BMPER: variants seen among roughly 807,000 people sequenced by gnomAD.
The protein encoded by BMPER is BMP-binding endothelial regulator protein.
Under a neutral mutation model 87.3 loss-of-function variants are expected in BMPER, and 45 were observed. That is an observed-to-expected ratio of 0.52 (90% confidence interval 0.41 to 0.66). The LOEUF (loss-of-function observed/expected upper bound fraction) is 0.66, where lower values mean the gene tolerates loss of function less well. Ranked by LOEUF, BMPER falls within the 30% of genes least tolerant of loss-of-function variation. The pLI is 0.00. For synonymous variants in BMPER, 326 were observed against 316.2 expected (o/e 1.03, Z -0.33); for missense variants, 784 against 867.5 (o/e 0.90, Z 1.21).
intron 2 of BMPER, among the ~76,000 whole-genome samples, chr7:33,930,905 G>C (rs755967374): frequency 2.0e-5 from 3 of 152,230 alleles, no homozygotes; most frequent in Non-Finnish European, 2.9e-5. Flanking sequence ...AGCCATGGTT[G>C]TGCCTCTGCA....
intron 3 of BMPER, among the ~76,000 whole-genome samples, chr7:33,961,800 A>C (rs1785279215): frequency 6.6e-6 from 1 of 152,182 alleles, no homozygotes; most frequent in Admixed American, 6.5e-5. Context: ...ACATGCATTC[A>C]GAAGCTTGTG....
chr7:34,129,603 AG>A (rs1562761976), intron 13 of BMPER, among the ~76,000 whole-genome samples: 1,171 of 114,612 alleles, frequency 0.01, 12 homozygotes, highest in African/African-American at 0.02. Flanking sequence ...AGAGAGAGAG[AG>A]AGAGAAAGAG....
intron 6 of BMPER, among the ~76,000 whole-genome samples, chr7:34,039,023 G>A (rs549695051): frequency 6.6e-6 from 1 of 152,118 alleles, no homozygotes; most frequent in Admixed American, 6.6e-5. Context: ...ACTGTTTCTC[G>A]CTGACCTCTT....
chr7:33,917,713 T>C (rs1343660432), intron 2 of BMPER, among the ~76,000 whole-genome samples: 1 of 152,222 alleles, frequency 6.6e-6, no homozygotes, highest in Non-Finnish European at 1.5e-5. Flanking sequence ...TTTTAACTTA[T>C]GAAAACACGC....
chr7:34,063,367 C>T (rs1280262050), intron 11 of BMPER, among the ~76,000 whole-genome samples: 3 of 147,192 alleles, frequency 2.0e-5, no homozygotes, highest in Non-Finnish European at 4.5e-5. Context: ...AATAGATATG[C>T]AGGGTCACTA....
Position 34,112,322 on chromosome 7 carries a change from G to A in BMPER, c.1745+26230G>A, listed in dbSNP as rs939785381. On this transcript the variant is annotated intron_variant, in intron 13 of 14. Coordinates refer to ENST00000649409, the MANE Select transcript of BMPER (RefSeq NM_001365308.1). ...ATCCCGGCTAACATGGTGAAACCCC[G>A]TATCTACTAAAAAAATACAAAAAAT... is the stretch of plus-strand genomic sequence containing the variant. Among the ~76,000 whole-genome samples, 4 of 151,096 alleles carry A rather than the reference G, an allele frequency of 2.6e-5. No homozygotes were observed. The East Asian group carries it at 5.9e-4, about 22-fold the overall frequency.
chr7:34,031,113 A>T (rs1448078967), intron 6 of BMPER, among the ~76,000 whole-genome samples: 2 of 152,050 alleles, frequency 1.3e-5, no homozygotes, highest in African/African-American at 4.8e-5. Flanking sequence ...TATCTATTTC[A>T]TCCTTCCTTC....
At chr7:34,127,246 T>A (rs1790429261) in intron 13 of BMPER, among the ~76,000 whole-genome samples, 1 of 152,180 alleles carries the variant, frequency 6.6e-6, no homozygotes. Context: ...GTCTCTGTTT[T>A]GCAGAGAATC....
intron 13 of BMPER, among the ~76,000 whole-genome samples, chr7:34,124,452 T>G (rs1790347311): frequency 3.7e-5 from 1 of 26,802 alleles, no homozygotes; most frequent in Non-Finnish European, 8.8e-5. Flanking sequence ...TTGTAAAGTT[T>G]TTTTTTTTTT....
At chr7:34,032,432 G>A (rs1196247242) in intron 6 of BMPER, among the ~76,000 whole-genome samples, 1 of 152,078 alleles carries the variant, frequency 6.6e-6, no homozygotes, top group Non-Finnish European at 1.5e-5. Flanking sequence ...CTGGAGTATG[G>A]TATAAGTTCC....
chr7:33,927,958 G>A (rs73110364), intron 2 of BMPER, among the ~76,000 whole-genome samples: 7,528 of 152,238 alleles, frequency 0.049, 244 homozygotes, highest in Non-Finnish European at 0.074. Context: ...TGTGCTGAAG[G>A]GCGCCCAGCA....
At chr7:34,044,905 G>A (rs977538243) in intron 6 of BMPER, among the ~76,000 whole-genome samples, 25 of 152,102 alleles carry the variant, frequency 1.6e-4, no homozygotes, top group Non-Finnish European at 2.5e-4. Context: ...AACAACAGGC[G>A]GCCACAGTGT....
At chr7:34,095,129 G>A (rs1484187073) in intron 13 of BMPER, among the ~76,000 whole-genome samples, 1 of 152,118 alleles carries the variant, frequency 6.6e-6, no homozygotes, top group East Asian at 1.9e-4. Flanking sequence ...GAAGGGGAAG[G>A]TGCAGAAAAG....
chr7:34,087,969 G>A (rs1382990399), intron 13 of BMPER, among the ~76,000 whole-genome samples: 4 of 152,200 alleles, frequency 2.6e-5, no homozygotes, highest in Admixed American at 1.3e-4. Context: ...CAGAAGTTAC[G>A]AATGATGACT....
chr7:34,056,282 G>A (rs945562499), intron 9 of BMPER, among the ~76,000 whole-genome samples: 2 of 152,178 alleles, frequency 1.3e-5, no homozygotes, highest in Non-Finnish European at 2.9e-5. Context: ...GATGGCTAAT[G>A]CATGCTGGGC....
At chr7:34,077,659 T>C (rs1788899861) in intron 11 of BMPER, among the ~76,000 whole-genome samples, 1 of 152,220 alleles carries the variant, frequency 6.6e-6, no homozygotes, top group Non-Finnish European at 1.5e-5. Flanking sequence ...ACATATAAAA[T>C]GACATAATAT....
At chr7:34,019,744 G>A (rs1035603912) in intron 6 of BMPER, among the ~76,000 whole-genome samples, 5 of 151,928 alleles carry the variant, frequency 3.3e-5, no homozygotes, top group African/African-American at 1.2e-4. Flanking sequence ...CGGCTTCACC[G>A]AGCTGTAGTG....
At chr7:34,113,393 G>T (rs758316970) in intron 13 of BMPER, among the ~76,000 whole-genome samples, 1 of 151,676 alleles carries the variant, frequency 6.6e-6, no homozygotes, top group African/African-American at 2.4e-5. Context: ...TTCCATTTAT[G>T]CTTATATGGG....
At chr7:34,104,692 G>A (rs1183805424) in intron 13 of BMPER, among the ~76,000 whole-genome samples, 1 of 152,144 alleles carries the variant, frequency 6.6e-6, no homozygotes, top group African/African-American at 2.4e-5. Context: ...GTGTGGCATG[G>A]TGGCTGGTGA....
Sources: gnomAD v4.1 joint callset for allele counts (sites outside exome capture counted in the v4.1 genomes callset) on GRCh38, gnomAD v4.1.1 for gene constraint, MANE v1.5 for transcripts, NCBI Gene and HGNC (gene_info 2026-07-23, HGNC 2026-07-21) for gene names.